Variants in MYH9 observed in about 807,000 individuals in gnomAD.
MYH9 encodes the protein myosin-9.
A neutral mutation model predicts 241.9 loss-of-function variants in MYH9; 29 were observed. That is an observed-to-expected ratio of 0.12 (90% CI 0.09 to 0.16). MYH9 has a LOEUF of 0.16. Ranked by LOEUF, MYH9 falls within the 10% of genes least tolerant of loss-of-function variation. The pLI, the probability that MYH9 is intolerant of heterozygous loss-of-function variation, is 1.00. For missense variants in MYH9, 1,803 were observed against 2,595.5 expected, an observed-to-expected ratio of 0.69 and a Z score of 6.63; for synonymous variants, 1,047 against 1,062.6, an observed-to-expected ratio of 0.99 and a Z score of 0.29.
At chr22:36,296,476 T>G (rs1252987598) in intron 25 of MYH9, among the ~76,000 whole-genome samples, 1 of 151,228 alleles carries the variant, frequency 6.6e-6, no homozygotes, top group African/African-American at 2.4e-5. Context: ...CCTCAAGTGA[T>G]CCACCCGGCT....
At chr22:36,289,061 C>G in intron 32 of MYH9, 24 bp downstream of exon 32, 1 of 1,614,038 alleles carries the variant, frequency 6.2e-7, no homozygotes, top group Admixed American at 1.7e-5. Flanking sequence ...TTCCCAAGAC[C>G]TGGCTGCCAG....
intron 12 of MYH9, among the ~76,000 whole-genome samples, chr22:36,314,823 AT>A (rs369221160): frequency 3.3e-5 from 5 of 152,020 alleles, no homozygotes; most frequent in African/African-American, 1.2e-4. Context: ...TAATATTGGT[AT>A]TTTTTGTAGA....
At position 36,293,743 on chromosome 22, in the gene MYH9, C is replaced by T. The variant is rs1235015601; in HGVS notation, c.3942+16G>A. Reference sequence around the variant, plus strand: ...CTGGAGGGGTCCACCTTCTGGGAACCTGGCGCCACCCCTACCTGAGTGTCC... The same window carrying T: ...CTGGAGGGGTCCACCTTCTGGGAACTTGGCGCCACCCCTACCTGAGTGTCC... On this transcript the variant is annotated intron_variant, in intron 29 of 40. Coordinates refer to ENST00000216181, the MANE Select transcript of MYH9 (RefSeq NM_002473.6). This position sits in a 1 kb window ranked among gnomAD's most constrained non-coding sequence, Gnocchi z 5.1. 3 of 1,611,570 alleles carry T rather than the reference C, an allele frequency of 1.9e-6. No homozygotes were observed.
intron 6 of MYH9, 70 bp from the exon 7 acceptor site, chr22:36,321,891 C>A (rs2017258762): frequency 3.8e-6 from 5 of 1,304,974 alleles, no homozygotes; most frequent in African/African-American, 2.9e-5. Flanking sequence ...ACGGGGGAGA[C>A]CACAGCCCCC....
At chr22:36,379,907 G>A (rs1437809245) in intron 1 of MYH9, among the ~76,000 whole-genome samples, 1 of 152,240 alleles carries the variant, frequency 6.6e-6, no homozygotes, top group African/African-American at 2.4e-5. Context: ...TCGTGGGAAT[G>A]GGAACCTGAG....
rs1172809973 is a variant in MYH9, at chr22:36,329,394, CAG to C, written c.491-1908_491-1907del. ...GGCAGGAACCACAGCCTGGGGAAGA[CAG>C]AGCAATTTCATTGCTGGCCCCTAAC... On this transcript the variant is annotated intron_variant, in intron 3 of 40. Coordinates refer to ENST00000216181, the MANE Select transcript of MYH9 (RefSeq NM_002473.6). The surrounding 1 kb of genome is among the most constrained non-coding windows in gnomAD (Gnocchi z 4.1). Among the ~76,000 whole-genome samples, 2 of 152,196 alleles carry C rather than the reference CAG, an allele frequency of 1.3e-5. No individual in the cohort carries two copies. Among genetic ancestry groups the C allele is most frequent in the Non-Finnish European group, 2.9e-5 (2 of 68,044 alleles).
At chr22:36,283,307 C>T (rs1036422791) in intron 40 of MYH9, among the ~76,000 whole-genome samples, 8 of 152,196 alleles carry the variant, frequency 5.3e-5, no homozygotes, top group African/African-American at 1.7e-4. Context: ...GAGGCCGAGG[C>T]GGGTGGAGCA....
intron 14 of MYH9, among the ~76,000 whole-genome samples, chr22:36,310,115 T>C (rs1386743291): frequency 1.3e-5 from 2 of 152,088 alleles, no homozygotes; most frequent in Non-Finnish European, 2.9e-5. Context: ...CCGGGCGTGG[T>C]GGCACGTGCC....
At chr22:36,326,727 C>T in intron 4 of MYH9, 66 bp from the exon 5 acceptor site, 1 of 1,335,676 alleles carries the variant, frequency 7.5e-7, no homozygotes. Flanking sequence ...TGTCCCTTCC[C>T]ACTGCACGCT....
Position 36,293,570 on chromosome 22 carries a change from G to T in MYH9, c.3943-89C>A. On this transcript the variant is annotated intron_variant, in intron 29 of 40. Transcript: ENST00000216181. This position sits in a 1 kb window ranked among gnomAD's most constrained non-coding sequence, Gnocchi z 5.1. ...ACACCCTTGAGGAGAGGGAGGAGCT[G>T]GTCCTGCTGATTTAGGGGATGGCCA... 1 of 1,567,198 alleles carries T rather than the reference G, an allele frequency of 6.4e-7. No individual in the cohort carries two copies. Among genetic ancestry groups the T allele is most frequent in the Non-Finnish European group, 8.7e-7 (1 of 1,148,306 alleles).
At chr22:36,340,966 G>A (rs1472480841) in intron 3 of MYH9, among the ~76,000 whole-genome samples, 1 of 152,158 alleles carries the variant, frequency 6.6e-6, no homozygotes, top group Admixed American at 6.5e-5. Flanking sequence ...GCATCTGTTT[G>A]TGTAGAGATG....
chr22:36,338,408 T>C (rs1308847680), intron 3 of MYH9, among the ~76,000 whole-genome samples: 1 of 152,194 alleles, frequency 6.6e-6, no homozygotes, highest in Non-Finnish European at 1.5e-5. Context: ...CCTCTCAGAC[T>C]GAGGGTTAGA....
At position 36,301,403 on chromosome 22, in the gene MYH9, T is replaced by G. The variant is rs376660900; in HGVS notation, c.2631+131A>C. On this transcript the variant is annotated intron_variant, in intron 21 of 40. Transcript: ENST00000216181. ...CAGAGAGACTGGTCACTGTTTACAG[T>G]AATAGGAAACTCAGTTGTAGAAAAC... is the stretch of plus-strand genomic sequence containing the variant. 56 of 1,248,038 alleles carry G rather than the reference T, an allele frequency of 4.5e-5. 1 individual carries two copies. The African/African-American group carries it at 6.6e-4, about 15-fold the overall frequency. 77.3% of individuals were successfully genotyped at this position (1,248,038 alleles called of 1,614,324 possible).
At chr22:36,352,963 C>A (rs1445585030) in intron 1 of MYH9, among the ~76,000 whole-genome samples, 2 of 152,124 alleles carry the variant, frequency 1.3e-5, no homozygotes, top group South Asian at 4.1e-4. Context: ...CAGGGAGAGC[C>A]GCAAAGGTCA....
chr22:36,311,922 G>T, intron 14 of MYH9, 127 bp downstream of exon 14: 2 of 1,101,454 alleles, frequency 1.8e-6, no homozygotes, highest in Non-Finnish European at 1.4e-6. Flanking sequence ...GTGAGTCATT[G>T]TGCAAGAACC....
At chr22:36,358,411 C>T (rs891336616) in intron 1 of MYH9, among the ~76,000 whole-genome samples, 1 of 152,168 alleles carries the variant, frequency 6.6e-6, no homozygotes, top group Admixed American at 6.6e-5. Flanking sequence ...CTGGATTAGA[C>T]CCAGGAAATC....
In MYH9 at chr22:36,340,702, G is replaced by C. The variant is rs566107686; in HGVS notation, c.490+668C>G. Among the ~76,000 whole-genome samples, 160 of 151,896 alleles carry C rather than the reference G, an allele frequency of 1.1e-3. 1 individual carries two copies. The highest frequency in any genetic ancestry group is 3.8e-3 in the African/African-American group (157 of 41,464). On this transcript the variant is annotated intron_variant, in intron 3 of 40. Coordinates refer to ENST00000216181, the MANE Select transcript of MYH9 (RefSeq NM_002473.6). ...AGAAAGAAAGGAAGTGGTAGAGACT[G>C]TCCGATGCTGGGGAGAGGTGAGGTA...
intron 6 of MYH9, 92 bp from the exon 7 acceptor site, chr22:36,321,913 C>T (rs1203625827): frequency 9.6e-6 from 11 of 1,145,688 alleles, no homozygotes; most frequent in South Asian, 4.9e-5. Context: ...GCCCCACCTC[C>T]GGTGGGCACA....
chr22:36,321,650 G>A, intron 7 of MYH9, 108 bp downstream of exon 7: 1 of 1,020,482 alleles, frequency 9.8e-7, no homozygotes, highest in Non-Finnish European at 1.6e-6. Flanking sequence ...GTGTCAGGAT[G>A]GGCCCATAAA....
Sources: gnomAD v4.1 joint callset for allele counts (sites outside exome capture counted in the v4.1 genomes callset) on GRCh38, gnomAD v4.1.1 for gene constraint, Gnocchi (gnomAD v3.1) non-coding constraint, MANE v1.5 for transcripts, NCBI Gene and HGNC (gene_info 2026-07-23, HGNC 2026-07-21) for gene names.